TBC1D5: variants seen among roughly 807,000 people sequenced by gnomAD.
TBC1D5 encodes the protein TBC1 domain family, member 5.
TBC1D5 carries 75 observed loss-of-function variants against 100.3 expected under a neutral mutation model. That is an observed-to-expected ratio of 0.75 (90% CI 0.62 to 0.91). The LOEUF (loss-of-function observed/expected upper bound fraction) is 0.91, where lower values mean the gene tolerates loss of function less well. Ranked by LOEUF, TBC1D5 falls within the 40% of genes least tolerant of loss-of-function variation. TBC1D5 has a pLI of 0.00. For missense variants in TBC1D5, 910 were observed against 942.4 expected (o/e 0.97, Z 0.45); for synonymous variants, 323 against 325.6 (o/e 0.99, Z 0.09).
intron 13 of TBC1D5, among the ~76,000 whole-genome samples, chr3:17,346,465 T>C (rs957665341): frequency 3.9e-5 from 6 of 152,314 alleles, no homozygotes; most frequent in African/African-American, 1.2e-4. Context: ...TATTTATTTG[T>C]AAGAAATTTT....
At chr3:17,659,351 G>A (rs1577288997) in intron 1 of TBC1D5, among the ~76,000 whole-genome samples, 2 of 152,012 alleles carry the variant, frequency 1.3e-5, no homozygotes, top group East Asian at 1.9e-4. Flanking sequence ...TGATAAATAA[G>A]ATCTAACCAG....
chr3:17,614,356 T>C (rs979001320), intron 2 of TBC1D5, among the ~76,000 whole-genome samples: 2 of 152,230 alleles, frequency 1.3e-5, no homozygotes, highest in South Asian at 2.1e-4. Flanking sequence ...CTTACGATTG[T>C]CTTCGCAATG....
At chr3:17,523,036 T>C (rs1445845493) in intron 2 of TBC1D5, among the ~76,000 whole-genome samples, 1 of 152,214 alleles carries the variant, frequency 6.6e-6, no homozygotes, top group Non-Finnish European at 1.5e-5. Flanking sequence ...GGAGTAGTGA[T>C]GATTGCTAAT....
chr3:17,682,680 C>G (rs1017332212), intron 1 of TBC1D5, among the ~76,000 whole-genome samples: 1 of 151,488 alleles, frequency 6.6e-6, no homozygotes, highest in African/African-American at 2.5e-5. Context: ...TTACATATTA[C>G]AGTATACTCT....
chr3:17,371,811 G>T (rs1021803688), intron 13 of TBC1D5, among the ~76,000 whole-genome samples: 2 of 152,116 alleles, frequency 1.3e-5, no homozygotes, highest in Non-Finnish European at 2.9e-5. Flanking sequence ...AGCACTTTGG[G>T]AAGCAGAGGC....
intron 13 of TBC1D5, among the ~76,000 whole-genome samples, chr3:17,317,514 A>G (rs558222989): frequency 6.6e-6 from 1 of 152,348 alleles, no homozygotes; most frequent in Non-Finnish European, 1.5e-5. Context: ...AAATGGAAAC[A>G]AAAGAGTTAA....
chr3:17,186,703 C>T (rs574765730), intron 18 of TBC1D5, among the ~76,000 whole-genome samples: 15 of 28,498 alleles, frequency 5.3e-4, no homozygotes, highest in Non-Finnish European at 1.0e-3. Context: ...GAGCAAAACT[C>T]TATCTCCAAA....
chr3:17,740,751 C>T (rs2077361677), exon 1 of TBC1D5: 1 of 152,156 alleles, frequency 6.6e-6, no homozygotes, highest in African/African-American at 2.4e-5. Context: ...ATACTTCCTC[C>T]AATAAAAGAA....
chr3:17,730,469 C>T (rs1286046021), intron 1 of TBC1D5, among the ~76,000 whole-genome samples: 1 of 152,132 alleles, frequency 6.6e-6, no homozygotes, highest in African/African-American at 2.4e-5. Flanking sequence ...ATGGCCAGGC[C>T]ACAGGAAAAG....
chr3:17,246,428 G>A (rs900632667), intron 16 of TBC1D5, among the ~76,000 whole-genome samples: 1 of 152,122 alleles, frequency 6.6e-6, no homozygotes, highest in Non-Finnish European at 1.5e-5. Flanking sequence ...AAAGTTGATT[G>A]TAAAATTTAT....
chr3:17,425,491 G>T (rs2094314587), intron 4 of TBC1D5, among the ~76,000 whole-genome samples: 1 of 152,128 alleles, frequency 6.6e-6, no homozygotes, highest in Non-Finnish European at 1.5e-5. Flanking sequence ...CCCAGGTGTG[G>T]TGGCATATGC....
chr3:17,239,451 T>G (rs1020721605), intron 16 of TBC1D5, among the ~76,000 whole-genome samples: 1 of 152,196 alleles, frequency 6.6e-6, no homozygotes, highest in African/African-American at 2.4e-5. Flanking sequence ...CTTGTTCCTT[T>G]CAAGTTACCA....
At chr3:17,196,060 T>C (rs1030897450) in intron 18 of TBC1D5, among the ~76,000 whole-genome samples, 1 of 152,168 alleles carries the variant, frequency 6.6e-6, no homozygotes, top group Non-Finnish European at 1.5e-5. Context: ...ACAGCATTCA[T>C]TTATTCCTAA....
At chr3:17,659,951 G>T (rs1056278309) in intron 1 of TBC1D5, among the ~76,000 whole-genome samples, 1 of 151,730 alleles carries the variant, frequency 6.6e-6, no homozygotes, top group South Asian at 2.1e-4. Context: ...CTGAGAATTT[G>T]GGCCCACAGA....
chr3:17,694,296 T>C (rs1193928784), intron 1 of TBC1D5, among the ~76,000 whole-genome samples: 2 of 152,190 alleles, frequency 1.3e-5, no homozygotes, highest in African/African-American at 4.8e-5. Flanking sequence ...AACAAACTTT[T>C]CCGAGCTAAA....
At chr3:17,640,090 T>C (rs1414811604) in intron 1 of TBC1D5, among the ~76,000 whole-genome samples, 2 of 152,030 alleles carry the variant, frequency 1.3e-5, no homozygotes, top group East Asian at 3.9e-4. Flanking sequence ...CACAGAGAAA[T>C]ATAATACAGA....
chr3:17,407,428 A>C (rs923680030), intron 4 of TBC1D5, among the ~76,000 whole-genome samples: 1 of 152,132 alleles, frequency 6.6e-6, no homozygotes, highest in Non-Finnish European at 1.5e-5. Context: ...TATCACAATA[A>C]AATTTACATA....
At chr3:17,276,063 A>G (rs2079970304) in intron 15 of TBC1D5, among the ~76,000 whole-genome samples, 1 of 152,160 alleles carries the variant, frequency 6.6e-6, no homozygotes. Flanking sequence ...TTTGGATGTT[A>G]TAACAAAATA....
chr3:17,651,759 A>G (rs1044256553), intron 1 of TBC1D5, among the ~76,000 whole-genome samples: 2 of 152,116 alleles, frequency 1.3e-5, no homozygotes, highest in African/African-American at 4.8e-5. Flanking sequence ...ACTGGGTTAC[A>G]GTATTCATGT....
Sources: gnomAD v4.1 joint callset for allele counts (sites outside exome capture counted in the v4.1 genomes callset) on GRCh38, gnomAD v4.1.1 for gene constraint, MANE v1.5 for transcripts, NCBI Gene and HGNC (gene_info 2026-07-23, HGNC 2026-07-21) for gene names.